Variants in ELOVL6 observed in about 807,000 individuals in gnomAD.
ELOVL6 encodes the protein ELOVL fatty acid elongase 6.
ELOVL6 carries 8 observed loss-of-function variants against 31.7 expected under a neutral mutation model. The ratio of observed to expected loss-of-function variants is 0.25; its 90% CI spans 0.15 to 0.45. The LOEUF is 0.45. ELOVL6 is among the 20% of genes least tolerant of loss of function. The pLI, the probability that ELOVL6 is intolerant of heterozygous loss-of-function variation, is 1.00. For missense variants in ELOVL6, 126 were observed against 326.4 expected (o/e 0.39, Z 4.73); for synonymous variants, 101 against 117.7 (o/e 0.86, Z 0.92).
intron 1 of ELOVL6, among the ~76,000 whole-genome samples, chr4:110,130,806 T>C (rs1757645311): frequency 6.6e-6 from 1 of 152,188 alleles, no homozygotes; most frequent in Non-Finnish European, 1.5e-5. Context: ...AGACTAGCTT[T>C]TATGCACATG....
At chr4:110,180,166 T>C (rs1035967185) in intron 1 of ELOVL6, among the ~76,000 whole-genome samples, 8 of 152,196 alleles carry the variant, frequency 5.3e-5, no homozygotes, top group South Asian at 2.1e-4. Context: ...AGTGTGCTTA[T>C]TGTATCCATA....
Position 110,185,899 on chromosome 4 carries a change from G to C in ELOVL6, c.89+12348C>G, listed in dbSNP as rs1468938935. 2.6e-5 allele frequency among the ~76,000 whole-genome samples: 4 copies of C among 152,154 alleles called. No individual in the cohort carries two copies. The South Asian group carries it at 8.3e-4, about 32-fold the overall frequency. On this transcript the variant is annotated intron_variant, in intron 1 of 3. Coordinates refer to ENST00000302274, the MANE Select transcript of ELOVL6 (RefSeq NM_024090.3). Reference sequence around the variant, plus strand: ...ATAACCAAGAGAAGAATAAGAAAATGATTTATTTAAGGCTGGGCACGGTGG... The same window carrying C: ...ATAACCAAGAGAAGAATAAGAAAATCATTTATTTAAGGCTGGGCACGGTGG...
intron 1 of ELOVL6, among the ~76,000 whole-genome samples, chr4:110,136,246 G>A (rs1427590148): frequency 1.3e-5 from 2 of 152,094 alleles, no homozygotes; most frequent in Non-Finnish European, 2.9e-5. Flanking sequence ...CCCAGCATTA[G>A]GAATAGGCAC....
At chr4:110,197,966 G>GACATCACCCTGTGCAC (rs1421926652) in intron 1 of ELOVL6, 3 of 493,446 alleles carry the variant, frequency 6.1e-6, no homozygotes, top group Non-Finnish European at 1.1e-5. Context: ...CTGTCGCGCA[G>GACATCACCCTGTGCAC]ACATCACCCT....
chr4:110,165,861 C>T (rs1758759317), intron 1 of ELOVL6, among the ~76,000 whole-genome samples: 1 of 152,170 alleles, frequency 6.6e-6, no homozygotes, highest in Non-Finnish European at 1.5e-5. Flanking sequence ...CAAGGACAAT[C>T]CTATATCCTC....
chr4:110,174,770 T>G (rs1470512907), intron 1 of ELOVL6, among the ~76,000 whole-genome samples: 2 of 152,158 alleles, frequency 1.3e-5, no homozygotes, highest in Non-Finnish European at 2.9e-5. Context: ...TAACATGACC[T>G]TTACCTACAT....
rs558476235 is a variant in ELOVL6, at chr4:110,049,532, C to T, written c.*1806G>A. The T allele has an allele frequency of 1.1e-4, 16 of 152,322 alleles. No homozygotes were observed. The highest frequency in any genetic ancestry group is 5.8e-4 in the East Asian group (3 of 5,174). 9.4% of individuals were successfully genotyped at this position (152,322 alleles called of 1,614,324 possible). ...AAGCTAAAATAATATAAAAATAATT[C>T]GAAAAAATCCCTTTTACTGTACACT... On this transcript the variant is annotated 3_prime_UTR_variant, in exon 4 of 4. Transcript: ENST00000302274.
At chr4:110,171,740 C>A (rs1036412190) in intron 1 of ELOVL6, among the ~76,000 whole-genome samples, 1 of 122,976 alleles carries the variant, frequency 8.1e-6, no homozygotes, top group African/African-American at 3.1e-5. Context: ...GTTGTCCAGG[C>A]TGGAGTACAG....
intron 1 of ELOVL6, among the ~76,000 whole-genome samples, chr4:110,114,041 G>A (rs1306468122): frequency 6.6e-6 from 1 of 152,092 alleles, no homozygotes; most frequent in Non-Finnish European, 1.5e-5. Flanking sequence ...CCTTGAGCTC[G>A]AGACATCGAA....
At chr4:110,119,305 AAAG>A (rs1363704546) in intron 1 of ELOVL6, among the ~76,000 whole-genome samples, 2 of 152,088 alleles carry the variant, frequency 1.3e-5, no homozygotes, top group Non-Finnish European at 2.9e-5. Context: ...CAAAAGAAAG[AAAG>A]AAAAAAAAAG....
At chr4:110,123,956 T>C (rs1757423375) in intron 1 of ELOVL6, among the ~76,000 whole-genome samples, 1 of 152,208 alleles carries the variant, frequency 6.6e-6, no homozygotes, top group African/African-American at 2.4e-5. Context: ...TTTTTATCAA[T>C]AACTAAAATC....
At chr4:110,165,972 A>G (rs947815572) in intron 1 of ELOVL6, among the ~76,000 whole-genome samples, 1 of 151,944 alleles carries the variant, frequency 6.6e-6, no homozygotes, top group Non-Finnish European at 1.5e-5. Context: ...CAAATTATCA[A>G]CCCACGATCC....
At chr4:110,189,458 G>A (rs1045096579) in intron 1 of ELOVL6, among the ~76,000 whole-genome samples, 6 of 151,498 alleles carry the variant, frequency 4.0e-5, no homozygotes, top group African/African-American at 7.3e-5. Context: ...GTGGTGGCAG[G>A]TGCCTGTAAT....
At chr4:110,119,633 T>C (rs898179232) in intron 1 of ELOVL6, among the ~76,000 whole-genome samples, 2 of 152,216 alleles carry the variant, frequency 1.3e-5, no homozygotes, top group African/African-American at 4.8e-5. Flanking sequence ...CTTTTATCTA[T>C]ATATCTTTTT....
intron 1 of ELOVL6, among the ~76,000 whole-genome samples, chr4:110,143,104 G>A (rs1042668649): frequency 6.6e-6 from 1 of 152,126 alleles, no homozygotes; most frequent in Non-Finnish European, 1.5e-5. Flanking sequence ...AAAATTGTGT[G>A]AGAAACATCA....
chr4:110,165,267 C>G (rs1758742671), intron 1 of ELOVL6, among the ~76,000 whole-genome samples: 1 of 152,152 alleles, frequency 6.6e-6, no homozygotes, highest in African/African-American at 2.4e-5. Flanking sequence ...GTGCTATTGC[C>G]ATTCATAGGC....
At chr4:110,187,859 G>A (rs1759495022) in intron 1 of ELOVL6, among the ~76,000 whole-genome samples, 2 of 152,124 alleles carry the variant, frequency 1.3e-5, no homozygotes, top group African/African-American at 2.4e-5. Context: ...CAAAATAACA[G>A]TGGCAGCCTC....
chr4:110,084,169 A>ATATATAACATATAACT lies in ELOVL6; in HGVS notation c.221+21327_221+21328insAGTTATATGTTATATA, dbSNP rs1756060304. Among the ~76,000 whole-genome samples, 62 of 43,074 alleles carry ATATATAACATATAACT rather than the reference A, an allele frequency of 1.4e-3. 5 individuals carry two copies. The highest frequency in any genetic ancestry group is 9.2e-3 in the African/African-American group (58 of 6,312). 28.3% of individuals were successfully genotyped at this position (43,074 alleles called of 152,430 possible). ...ATGATATATATAACATATATGTGATATATATGATATATATAACATATAACT... is the reference window on the plus strand; with the variant it reads ...ATGATATATATAACATATATGTGATATATATAACATATAACTTATATGATATATATAACATATAACT... On this transcript the variant is annotated intron_variant, in intron 2 of 3. Coordinates refer to ENST00000302274, the MANE Select transcript of ELOVL6 (RefSeq NM_024090.3).
chr4:110,084,463 G>GATATATCGCATATATCATATATC (rs1553956200), intron 2 of ELOVL6, among the ~76,000 whole-genome samples: 289 of 22,146 alleles, frequency 0.013, 37 homozygotes, highest in African/African-American at 0.046. Context: ...TATCATATAT[G>GATATATCGCATATATCATATATC]ATATATAACA....
Sources: allele counts gnomAD v4.1 joint callset (sites outside exome capture counted in the v4.1 genomes callset), GRCh38; gene constraint gnomAD v4.1.1; transcripts MANE v1.5; gene names NCBI Gene and HGNC (gene_info 2026-07-23, HGNC 2026-07-21).